Variants in GRPEL2 observed in about 807,000 individuals in gnomAD.
GRPEL2 encodes the protein grpE protein homolog 2, mitochondrial.
A neutral mutation model predicts 25.9 loss-of-function variants in GRPEL2; 18 were observed. The observed-to-expected ratio is 0.70, with a 90% CI of 0.48 to 1.03. GRPEL2 has a LOEUF of 1.03. GRPEL2 is among the 50% of genes least tolerant of loss of function. The pLI is 0.00. For synonymous variants in GRPEL2, 106 were observed against 107.9 expected, an observed-to-expected ratio of 0.98 and a Z score of 0.11; for missense variants, 247 against 276.2, an observed-to-expected ratio of 0.89 and a Z score of 0.75.
Position 149,345,510 on chromosome 5 carries a change from G to T in GRPEL2, c.-30G>T, listed in dbSNP as rs371505802. On this transcript the variant is annotated 5_prime_UTR_variant, in exon 1 of 4. Coordinates refer to ENST00000329271, the MANE Select transcript of GRPEL2 (RefSeq NM_152407.4). The stretch of plus-strand genomic sequence containing the variant: ...ATCTCTTCACTCGCAGCAAGTGCGC[G>T]TGCGCTGCCTCTCAGCCCAAATTGG... 6.3e-7 allele frequency: 1 copy of T among 1,595,550 alleles called. No individual in the cohort carries two copies. The highest frequency in any genetic ancestry group is 1.7e-5 in the Admixed American group (1 of 58,120).
In GRPEL2 at chr5:149,352,772, T is replaced by C. The variant is rs1757795791; in HGVS notation, c.*1490T>C. ...TTCTGAAGTATGAAAATCTAGTCTT[T>C]TTAGGACTGGACACAAGGAAAATAA... On this transcript the variant is annotated 3_prime_UTR_variant, in exon 4 of 4. Transcript: ENST00000329271. 6.6e-6 allele frequency: 1 copy of C among 152,192 alleles called. No homozygotes were observed. Among genetic ancestry groups the C allele is most frequent in the Non-Finnish European group, 1.5e-5 (1 of 68,042 alleles). 9.4% of individuals were successfully genotyped at this position (152,192 alleles called of 1,614,324 possible). A position where few individuals can be genotyped will look rare whatever the true frequency, so the allele number is the denominator to read the frequency against.
Position 149,348,441 on chromosome 5 carries a change from A to G in GRPEL2, c.231+16A>G, listed in dbSNP as rs1003429528. ...AGATTTAACAGTGAGTCAATTTTATATTTCTTCTTCATATCCTCTCTCTAG... is the reference window on the plus strand; with the variant it reads ...AGATTTAACAGTGAGTCAATTTTATGTTTCTTCTTCATATCCTCTCTCTAG... On this transcript the variant is annotated intron_variant, in intron 2 of 3. Coordinates refer to ENST00000329271, the MANE Select transcript of GRPEL2 (RefSeq NM_152407.4). 8 of 1,573,220 alleles carry G rather than the reference A, an allele frequency of 5.1e-6. No individual in the cohort carries two copies. Among genetic ancestry groups the G allele is most frequent in the Non-Finnish European group, 6.0e-6 (7 of 1,161,118 alleles).
chr5:149,348,273 G>A lies in GRPEL2; in HGVS notation c.79G>A (p.Gly27Arg), dbSNP rs1757720217. 6.3e-7 allele frequency: 1 copy of A among 1,591,832 alleles called. No homozygotes were observed. Among genetic ancestry groups the A allele is most frequent in the Non-Finnish European group, 8.5e-7 (1 of 1,174,060 alleles). Residue 27 changes from glycine to arginine, a missense_variant and splice_region_variant, in exon 2 of 4, where the codon GGA becomes AGA. By Grantham distance (125) the Gly-to-Arg change is moderately radical (BLOSUM62 -2). Coordinates refer to ENST00000329271, the MANE Select transcript of GRPEL2 (RefSeq NM_152407.4). ...LAWSAAWESK[G>R]WPLPFSTATQ... ...TGTGCCACCTCCTTCCTGTTTTAGG[G>A]GATGGCCGCTTCCATTCAGCACTGC...
At chr5:149,348,504 A>C (rs1016672383) in intron 2 of GRPEL2, 79 bp downstream of exon 2, 23 of 1,246,180 alleles carry the variant, frequency 1.8e-5, no homozygotes, top group Non-Finnish European at 2.5e-5. Context: ...GTCAATTTTC[A>C]AAATGAAGTT....
At position 149,345,509 on chromosome 5, in the gene GRPEL2, C is replaced by T; in HGVS notation, c.-31C>T. The T allele has an allele frequency of 1.3e-6, 2 of 1,592,008 alleles. No homozygotes were observed. The highest frequency in any genetic ancestry group is 8.6e-7 in the Non-Finnish European group (1 of 1,166,660). On this transcript the variant is annotated 5_prime_UTR_variant, in exon 1 of 4. Transcript: ENST00000329271. ...CATCTCTTCACTCGCAGCAAGTGCG[C>T]GTGCGCTGCCTCTCAGCCCAAATTG...
chr5:149,347,126 T>C (rs146663262), intron 1 of GRPEL2, among the ~76,000 whole-genome samples: 445 of 152,278 alleles, frequency 2.9e-3, no homozygotes, highest in African/African-American at 0.01. Context: ...ACGGTGACCA[T>C]ATTTTCTGAC....
intron 3 of GRPEL2, 80 bp downstream of exon 3, chr5:149,349,815 T>G: frequency 2.0e-6 from 2 of 996,082 alleles, no homozygotes; most frequent in Non-Finnish European, 3.2e-6. Flanking sequence ...TTTGAGAGTC[T>G]AAGGCTGTCA....
chr5:149,346,361 C>T (rs1157078856), intron 1 of GRPEL2, among the ~76,000 whole-genome samples: 1 of 152,116 alleles, frequency 6.6e-6, no homozygotes, highest in Non-Finnish European at 1.5e-5. Flanking sequence ...TAGTTGAGTA[C>T]GAGGTAGGGT....
In GRPEL2 at chr5:149,345,612, A is replaced by G. The variant is rs1394966523; in HGVS notation, c.73A>G (p.Ser25Gly). Residue 25 changes from serine (S) to glycine (G), a missense_variant, in exon 1 of 4, where the codon AGC becomes GGC. This residue lies in a region of GRPEL2 where 125 missense variants were observed against 107.0 expected (regional missense o/e 1.17). Coordinates refer to ENST00000329271, the MANE Select transcript of GRPEL2 (RefSeq NM_152407.4). ...RLLAWSAAWE[S>G]KGWPLPFSTA... is the part of the protein sequence containing the mutation. ...ACTGGCCTGGAGTGCCGCGTGGGAG[A>G]GCAAGTAAGCATTGCAGGCGGGGAG... 3 of 1,609,068 alleles carry G rather than the reference A, an allele frequency of 1.9e-6. No homozygotes were observed. The South Asian group carries it at 3.3e-5, about 18-fold the overall frequency.
intron 3 of GRPEL2, among the ~76,000 whole-genome samples, chr5:149,350,554 G>A (rs1464076883): frequency 6.6e-6 from 1 of 152,178 alleles, no homozygotes; most frequent in South Asian, 2.1e-4. Context: ...AACTGGGACA[G>A]GCAGGAATTT....
chr5:149,349,149 C>A (rs2127609819), intron 2 of GRPEL2, among the ~76,000 whole-genome samples: 1 of 152,246 alleles, frequency 6.6e-6, no homozygotes, highest in Non-Finnish European at 1.5e-5. Context: ...GTGCCTGACA[C>A]CATGCCAGGC....
intron 3 of GRPEL2, 97 bp from the exon 4 acceptor site, chr5:149,350,821 C>T (rs898723781): frequency 7.8e-7 from 1 of 1,285,314 alleles, no homozygotes; most frequent in Non-Finnish European, 1.1e-6. Context: ...CTGGACTACT[C>T]AGCATACTAG....
rs78081934 is a variant in GRPEL2, at chr5:149,350,219, C to T, written c.313+484C>T. Among the ~76,000 whole-genome samples the T allele has an allele frequency of 8.8e-3, 1,340 of 152,280 alleles. 19 individuals are homozygous for T. Among genetic ancestry groups the T allele is most frequent in the African/African-American group, 0.031 (1,271 of 41,552 alleles). On this transcript the variant is annotated intron_variant, in intron 3 of 3. Coordinates refer to ENST00000329271, the MANE Select transcript of GRPEL2 (RefSeq NM_152407.4). ...GACCTCTCTAATGATGACTTTCTTG[C>T]CCTCATTTCTGTAAGAAAAATCAAG... is the stretch of plus-strand genomic sequence containing the variant.
intron 2 of GRPEL2, among the ~76,000 whole-genome samples, chr5:149,349,079 T>C (rs2127609807): frequency 6.6e-6 from 1 of 152,228 alleles, no homozygotes; most frequent in East Asian, 1.9e-4. Context: ...CACTGCAACC[T>C]CTGCCTCCCA....
chr5:149,345,533 T>C lies in GRPEL2; in HGVS notation c.-7T>C. ...GCGTGCGCTGCCTCTCAGCCCAAAT[T>C]GGAAACATGGCCGTACGGTCGCTGT... On this transcript the variant is annotated 5_prime_UTR_variant, in exon 1 of 4. Coordinates refer to ENST00000329271, the MANE Select transcript of GRPEL2 (RefSeq NM_152407.4). 1.2e-6 allele frequency: 2 copies of C among 1,610,170 alleles called. No individual in the cohort carries two copies. The highest frequency in any genetic ancestry group is 1.1e-5 in the South Asian group (1 of 90,128).
At chr5:149,348,044 G>T in intron 1 of GRPEL2, 1 of 416,894 alleles carries the variant, frequency 2.4e-6, no homozygotes. Context: ...CTGTAAAATA[G>T]GGATAATGAT....
At position 149,351,505 on chromosome 5, in the gene GRPEL2, T is replaced by C. The variant is rs1242059430; in HGVS notation, c.*223T>C. 3 of 444,310 alleles carry C rather than the reference T, an allele frequency of 6.8e-6. No homozygotes were observed. In the East Asian group the frequency reaches 1.1e-4, roughly 16 times the overall value. 27.5% of individuals were successfully genotyped at this position (444,310 alleles called of 1,614,324 possible). ...TTGAACAGTGTGACAGGTGTTCCAA[T>C]GGCCTTTATCAAAACATGTTTAGGA... On this transcript the variant is annotated 3_prime_UTR_variant, in exon 4 of 4. Transcript: ENST00000329271.
intron 3 of GRPEL2, among the ~76,000 whole-genome samples, chr5:149,350,624 T>C (rs1432029586): frequency 5.3e-5 from 8 of 152,206 alleles, no homozygotes; most frequent in Non-Finnish European, 1.0e-4. Flanking sequence ...ATAAAAATAG[T>C]TGTTTTTAAA....
In GRPEL2 at chr5:149,348,347, T is replaced by A; in HGVS notation, c.153T>A (p.Asp51Glu). ...GEDCRSEDPP[D>E]ELGPPLAERA... ...ACTGCCGTTCTGAGGACCCTCCTGA[T>A]GAGCTTGGGCCCCCTCTTGCTGAAC... The change falls in exon 2 of 4, where the codon GAT (aspartate) becomes GAA (glutamate). Residue 51 changes from aspartate (D) to glutamate (E), a missense_variant. Coordinates refer to ENST00000329271, the MANE Select transcript of GRPEL2 (RefSeq NM_152407.4). The A allele has an allele frequency of 6.2e-7, 1 of 1,613,130 alleles. No homozygotes were observed. The highest frequency in any genetic ancestry group is 1.1e-5 in the South Asian group (1 of 91,040).
Sources: allele counts gnomAD v4.1 joint callset (sites outside exome capture counted in the v4.1 genomes callset), GRCh38; gene constraint gnomAD v4.1.1; regional missense constraint gnomAD v4.1.1; transcripts MANE v1.5; gene names NCBI Gene and HGNC (gene_info 2026-07-23, HGNC 2026-07-21).